Variants in SRRM4 observed in about 807,000 individuals in gnomAD.
SRRM4 encodes the protein serine/arginine repetitive matrix protein 4.
In SRRM4, 33 loss-of-function variants were observed where a neutral mutation model predicts 68.9. That is an observed-to-expected ratio of 0.48 (90% CI 0.36 to 0.64). SRRM4 has a LOEUF of 0.64. Among genes scored for constraint, SRRM4 ranks in the 30% least tolerant of loss-of-function variants. The pLI, the probability that SRRM4 is intolerant of heterozygous loss-of-function variation, is 0.00. For missense variants in SRRM4, 817 were observed against 827.1 expected, an observed-to-expected ratio of 0.99 and a Z score of 0.15; for synonymous variants, 318 against 318.8, an observed-to-expected ratio of 1.00 and a Z score of 0.03.
chr12:119,076,435 A>G (rs1953917030), intron 1 of SRRM4, among the ~76,000 whole-genome samples: 1 of 152,222 alleles, frequency 6.6e-6, no homozygotes, highest in Non-Finnish European at 1.5e-5. Flanking sequence ...AGAACCCTGC[A>G]TTCAGACACA....
At chr12:119,025,337 C>T (rs1953541148) in intron 1 of SRRM4, among the ~76,000 whole-genome samples, 1 of 151,934 alleles carries the variant, frequency 6.6e-6, no homozygotes, top group East Asian at 1.9e-4. Flanking sequence ...GGACATGAGG[C>T]TGGACAGTCA....
chr12:119,055,717 T>C (rs1217947550), intron 1 of SRRM4, among the ~76,000 whole-genome samples: 2 of 152,132 alleles, frequency 1.3e-5, no homozygotes, highest in East Asian at 3.9e-4. Flanking sequence ...GAGAGCTGAG[T>C]TCAAATCCTG....
rs1954436307 is a variant in SRRM4, at chr12:119,151,102, G to C, written c.1162G>C (p.Gly388Arg). The change falls in exon 10 of 13, where the codon GGG becomes CGG. Residue 388 changes from glycine (G) to arginine (R), a missense_variant. Coordinates refer to ENST00000267260, the MANE Select transcript of SRRM4 (RefSeq NM_194286.4). ...CACAGCCCGGAGCTCACCCATGAAA[G>C]GGTGTTCCCGCAGCTCCTCCTATGC... ...PSTARSSPMK[G>R]CSRSSSYAST... is the part of the protein sequence containing the mutation. The C allele has an allele frequency of 6.2e-7, 1 of 1,613,972 alleles. No individual in the cohort carries two copies. The highest frequency in any genetic ancestry group is 8.5e-7 in the Non-Finnish European group (1 of 1,179,882).
At chr12:119,148,842 A>AT (rs1469407517) in intron 9 of SRRM4, among the ~76,000 whole-genome samples, 1 of 152,232 alleles carries the variant, frequency 6.6e-6, no homozygotes, top group East Asian at 1.9e-4. Context: ...TGTTTATGTC[A>AT]TGCCACTTAT....
At chr12:119,092,307 A>G (rs1954018638) in intron 1 of SRRM4, among the ~76,000 whole-genome samples, 1 of 152,006 alleles carries the variant, frequency 6.6e-6, no homozygotes, top group South Asian at 2.1e-4. Context: ...TCTCAAACGC[A>G]TTTCCCTAGC....
rs1264108680 is a variant in SRRM4, at chr12:119,154,839, A to G, written c.1532+456A>G. Among the ~76,000 whole-genome samples, 1 of 152,206 alleles carries G rather than the reference A, an allele frequency of 6.6e-6. No homozygotes were observed. The highest frequency in any genetic ancestry group is 1.5e-5 in the Non-Finnish European group (1 of 68,042). On this transcript the variant is annotated intron_variant, in intron 12 of 12. Coordinates refer to ENST00000267260, the MANE Select transcript of SRRM4 (RefSeq NM_194286.4). This position sits in a 1 kb window ranked among gnomAD's most constrained non-coding sequence, Gnocchi z 4.7. ...GTACACTCAGCTGTCAGGCTTAAATAAACCTATATGTAATTATACCTTGAA... is the reference window on the plus strand; with the variant it reads ...GTACACTCAGCTGTCAGGCTTAAATGAACCTATATGTAATTATACCTTGAA...
intron 1 of SRRM4, among the ~76,000 whole-genome samples, chr12:119,021,156 G>T (rs1364965911): frequency 1.3e-5 from 2 of 152,170 alleles, no homozygotes; most frequent in Admixed American, 1.3e-4. Context: ...GGGTGCTTCT[G>T]GAGACTGGGA....
rs1676641991 is a variant in SRRM4 at position 119,158,020 on chromosome 12, G to C, written c.*1222G>C. On this transcript the variant is annotated 3_prime_UTR_variant, in exon 13 of 13. Transcript: ENST00000267260. ...CTTCTGAGGTTTCTTGTCAGCTTGG[G>C]AAAGACCCACCTTTATTTTTGCCCT... The C allele has an allele frequency of 6.5e-6, 1 of 152,918 alleles. No individual in the cohort carries two copies. The highest frequency in any genetic ancestry group is 6.5e-5 in the Admixed American group (1 of 15,282). 9.5% of individuals were successfully genotyped at this position (152,918 alleles called of 1,614,324 possible).
Position 119,087,935 on chromosome 12 carries a change from C to A in SRRM4, c.132-14301C>A, listed in dbSNP as rs141784268. Among the ~76,000 whole-genome samples, 706 of 152,240 alleles carry A rather than the reference C, an allele frequency of 4.6e-3. 2 individuals carry two copies. The highest frequency in any genetic ancestry group is 0.012 in the African/African-American group (484 of 41,540). ...TTTTCTCATCTAAAAACGACTCTTA[C>A]AATACCCACCTCAAGAGTTTACTAT... On this transcript the variant is annotated intron_variant, in intron 1 of 12. Coordinates refer to ENST00000267260, the MANE Select transcript of SRRM4 (RefSeq NM_194286.4).
chr12:119,070,954 G>A (rs551159638), intron 1 of SRRM4, among the ~76,000 whole-genome samples: 3 of 152,308 alleles, frequency 2.0e-5, no homozygotes, highest in East Asian at 3.9e-4. Context: ...TAAACACAGC[G>A]GGGAGGTACC....
At chr12:119,116,486 T>G (rs932114515) in intron 3 of SRRM4, among the ~76,000 whole-genome samples, 1 of 152,136 alleles carries the variant, frequency 6.6e-6, no homozygotes, top group African/African-American at 2.4e-5. Flanking sequence ...AAGGAAGCCT[T>G]TCCAGCTTGA....
At chr12:118,997,062 G>A (rs1953354155) in intron 1 of SRRM4, among the ~76,000 whole-genome samples, 2 of 152,194 alleles carry the variant, frequency 1.3e-5, no homozygotes, top group Non-Finnish European at 2.9e-5. Context: ...TGTCTTCTCA[G>A]CAAGAAGGTT....
chr12:119,026,634 C>T lies in SRRM4; in HGVS notation c.131+44621C>T, dbSNP rs369591867. Among the ~76,000 whole-genome samples, 449 of 150,460 alleles carry T rather than the reference C, an allele frequency of 3.0e-3. 2 individuals are homozygous for T. Among genetic ancestry groups the T allele is most frequent in the Admixed American group, 5.5e-3 (83 of 15,152 alleles). On this transcript the variant is annotated intron_variant, in intron 1 of 12. Coordinates refer to ENST00000267260, the MANE Select transcript of SRRM4 (RefSeq NM_194286.4). ...CGCGACGTTGGCTCACCACAACCTC[C>T]GCCTCCCAGGTTCAAGTGATTCTCG...
intron 1 of SRRM4, among the ~76,000 whole-genome samples, chr12:119,095,646 A>G (rs941380046): frequency 2.0e-5 from 3 of 152,130 alleles, no homozygotes; most frequent in Admixed American, 2.0e-4. Flanking sequence ...GCCAACTGCC[A>G]TTTCTGTTTG....
At chr12:119,034,638 A>G (rs1953614463) in intron 1 of SRRM4, among the ~76,000 whole-genome samples, 3 of 152,132 alleles carry the variant, frequency 2.0e-5, no homozygotes, top group Non-Finnish European at 4.4e-5. Flanking sequence ...TGTTTCCTTT[A>G]TACCTTTTGA....
intron 6 of SRRM4, 84 bp from the exon 7 acceptor site, chr12:119,125,297 G>A: frequency 7.9e-7 from 1 of 1,262,610 alleles, no homozygotes; most frequent in Non-Finnish European, 1.1e-6. Context: ...AGGAAAAACG[G>A]GTGTCACAAG....
rs181759011 is a variant in SRRM4, at chr12:119,008,985, T to A, written c.131+26972T>A. The stretch of plus-strand genomic sequence containing the variant: ...CCTCTCATTGCCACCGAGGGAAATC[T>A]GTAATGAATCCGTGGCCCCCAGCCC... On this transcript the variant is annotated intron_variant, in intron 1 of 12. Transcript: ENST00000267260. Among the ~76,000 whole-genome samples, 587 of 152,112 alleles carry A rather than the reference T, an allele frequency of 3.9e-3. 11 individuals carry two copies. The highest frequency in any genetic ancestry group is 3.3e-3 in the South Asian group (16 of 4,784).
intron 1 of SRRM4, chr12:118,989,809 G>T (rs1331242082): frequency 6.6e-6 from 1 of 152,192 alleles, no homozygotes; most frequent in African/African-American, 2.4e-5. Flanking sequence ...CCAAAGCTTA[G>T]ATGCCGCTGT....
At chr12:119,098,509 A>G (rs886633235) in intron 1 of SRRM4, among the ~76,000 whole-genome samples, 2 of 152,214 alleles carry the variant, frequency 1.3e-5, no homozygotes, top group African/African-American at 4.8e-5. Context: ...TTGAAAAAAT[A>G]TTGCCTGATG....
Sources: gnomAD v4.1 joint callset for allele counts (sites outside exome capture counted in the v4.1 genomes callset) on GRCh38, gnomAD v4.1.1 for gene constraint, Gnocchi (gnomAD v3.1) non-coding constraint, MANE v1.5 for transcripts, NCBI Gene and HGNC (gene_info 2026-07-23, HGNC 2026-07-21) for gene names.